The following USP24 variants were observed in gnomAD, a reference collection of about 807,000 sequenced individuals.
The protein encoded by USP24 is ubiquitin carboxyl-terminal hydrolase 24.
Under a neutral mutation model 361.6 loss-of-function variants are expected in USP24, and 97 were observed. The observed-to-expected ratio is 0.27, with a 90% confidence interval of 0.23 to 0.32. The LOEUF (loss-of-function observed/expected upper bound fraction) is 0.32, where lower values mean the gene tolerates loss of function less well. Among genes scored for constraint, USP24 ranks in the 10% least tolerant of loss-of-function variants. USP24 has a pLI of 1.00. For synonymous variants in USP24, 1,098 were observed against 1,124.6 expected (o/e 0.98, Z 0.47); for missense variants, 2,353 against 3,165.6 (o/e 0.74, Z 6.16).
At chr1:55,117,302 C>T (rs764363652) in intron 38 of USP24, among the ~76,000 whole-genome samples, 7 of 152,214 alleles carry the variant, frequency 4.6e-5, no homozygotes, top group East Asian at 1.9e-4. Flanking sequence ...TTCTATTCAA[C>T]GTAGTATTGA....
At chr1:55,080,244 G>C (rs145655976) in intron 59 of USP24, among the ~76,000 whole-genome samples, 3 of 152,284 alleles carry the variant, frequency 2.0e-5, no homozygotes, top group African/African-American at 7.2e-5. Flanking sequence ...CACAAAATTA[G>C]GTAGCTTTGT....
chr1:55,175,581 A>C (rs1432090556), intron 3 of USP24, among the ~76,000 whole-genome samples: 1 of 152,130 alleles, frequency 6.6e-6, no homozygotes, highest in Non-Finnish European at 1.5e-5. Context: ...CTAGTGACTT[A>C]TTTACATATT....
chr1:55,142,241 TAA>T (rs1167352611), intron 23 of USP24, among the ~76,000 whole-genome samples: 1 of 152,070 alleles, frequency 6.6e-6, no homozygotes, highest in East Asian at 1.9e-4. Flanking sequence ...ATGCTGGAAA[TAA>T]AAGAGATACA....
chr1:55,075,325 G>T, intron 63 of USP24, 132 bp downstream of exon 63: 1 of 776,510 alleles, frequency 1.3e-6, no homozygotes, highest in Non-Finnish European at 2.0e-6. Context: ...GAGCCCAGTG[G>T]CCCTGACCAG....
intron 23 of USP24, among the ~76,000 whole-genome samples, chr1:55,142,374 AAAAC>A (rs559763204): frequency 1.3e-5 from 2 of 152,204 alleles, no homozygotes; most frequent in Non-Finnish European, 2.9e-5. Context: ...AACATGAAGA[AAAAC>A]AAAAAAAGAA....
At chr1:55,082,761 G>T (rs1219963304) in intron 58 of USP24, among the ~76,000 whole-genome samples, 2 of 152,078 alleles carry the variant, frequency 1.3e-5, no homozygotes, top group Non-Finnish European at 2.9e-5. Flanking sequence ...CTCCAATCTG[G>T]GTGACAGCAA....
intron 12 of USP24, among the ~76,000 whole-genome samples, 198 bp from the exon 13 acceptor site, chr1:55,154,976 A>G (rs1245855215): frequency 6.6e-6 from 1 of 152,150 alleles, no homozygotes; most frequent in East Asian, 1.9e-4. Context: ...GGCCTTATTT[A>G]AATTCCTAGA....
intron 26 of USP24, among the ~76,000 whole-genome samples, chr1:55,138,293 TCAC>T (rs917881068): frequency 1.3e-5 from 2 of 152,184 alleles, no homozygotes; most frequent in African/African-American, 4.8e-5. Context: ...TGCTCAAATG[TCAC>T]CACCTCAGAG....
In USP24 at chr1:55,131,334, G is replaced by C. The variant is rs145900496; in HGVS notation, c.3537+1211C>G. On this transcript the variant is annotated intron_variant, in intron 31 of 67. Transcript: ENST00000294383. The stretch of plus-strand genomic sequence containing the variant: ...GAAAATGTAAAATATAATCTAAATA[G>C]AAAGCACTTTGGTACTCCATGCTGT... Among the ~76,000 whole-genome samples the C allele has an allele frequency of 3.0e-3, 461 of 152,254 alleles. 5 individuals are homozygous for C. Among genetic ancestry groups the C allele is most frequent in the African/African-American group, 0.01 (422 of 41,544 alleles).
Position 55,176,360 on chromosome 1 carries a change from A to G in USP24, c.558+16T>C. The G allele has an allele frequency of 6.4e-7, 1 of 1,557,928 alleles. No individual in the cohort carries two copies. The highest frequency in any genetic ancestry group is 2.4e-5 in the East Asian group (1 of 42,154). On this transcript the variant is annotated intron_variant, in intron 3 of 67. Transcript: ENST00000294383. ...CCCGACACACACAAAATATCACAGC[A>G]GCACATTTTTCTTACCTTTTTAAAT...
rs1188434592 is a variant in USP24, at chr1:55,178,368, G to A, written c.325-236C>T. On this transcript the variant is annotated intron_variant, in intron 1 of 67. Coordinates refer to ENST00000294383, the MANE Select transcript of USP24 (RefSeq NM_015306.3). The stretch of plus-strand genomic sequence containing the variant: ...CTTAGAAGGTGACCTCATCTCTTTC[G>A]TTAAAAATGAACTGTCCAGGCCGGG... Among the ~76,000 whole-genome samples the A allele has an allele frequency of 2.0e-5, 3 of 151,894 alleles. No individual in the cohort carries two copies. The East Asian group carries it at 5.8e-4, about 29-fold the overall frequency.
In USP24 at chr1:55,132,661, A is replaced by T; in HGVS notation, c.3421T>A (p.Ser1141Thr). ...TGTTGCTTTGATGACAGGGATGGAG[A>T]TTTTGAGGACTGAGAACTTGATTCA... ...LSESSSQSSKSPSLSSKQQHQ... is the reference protein window; with the variant it reads ...LSESSSQSSKTPSLSSKQQHQ... The change falls in exon 31 of 68, where the codon TCT (serine) becomes ACT (threonine). Residue 1141 changes from serine (S) to threonine (T), a missense_variant. Around this residue, in one of 8 missense-constraint regions of USP24, gnomAD observed 949 missense variants for 1,280.5 expected, o/e 0.74. Coordinates refer to ENST00000294383, the MANE Select transcript of USP24 (RefSeq NM_015306.3). The T allele has an allele frequency of 3.1e-6, 5 of 1,613,588 alleles. No homozygotes were observed. Among genetic ancestry groups the T allele is most frequent in the Non-Finnish European group, 4.2e-6 (5 of 1,179,700 alleles).
At chr1:55,190,380 G>C (rs2100873384) in intron 1 of USP24, among the ~76,000 whole-genome samples, 1 of 152,180 alleles carries the variant, frequency 6.6e-6, no homozygotes, top group African/African-American at 2.4e-5. Context: ...GAGGGGGATA[G>C]TATGAACCCA....
At chr1:55,079,306 C>A (rs977259411) in intron 60 of USP24, among the ~76,000 whole-genome samples, 2 of 152,216 alleles carry the variant, frequency 1.3e-5, no homozygotes, top group Admixed American at 1.3e-4. Flanking sequence ...TTACCTCCCT[C>A]TGGGGCCCTG....
At chr1:55,175,219 C>CTTTTTTTTTTTTTTTTTTTT (rs3072970) in intron 3 of USP24, among the ~76,000 whole-genome samples, 1 of 66,914 alleles carries the variant, frequency 1.5e-5, no homozygotes, top group Non-Finnish European at 2.7e-5. Flanking sequence ...TACTGGGTCT[C>CTTTTTTTTTTTTTTTTTTTT]TTTTTTTTTT....
chr1:55,120,236 G>A (rs1253216657), intron 38 of USP24, among the ~76,000 whole-genome samples: 1 of 152,126 alleles, frequency 6.6e-6, no homozygotes, highest in African/African-American at 2.4e-5. Flanking sequence ...CTCTAGACAC[G>A]GAGCTACAAG....
At chr1:55,166,295 CGTT>C (rs1369750104) in intron 6 of USP24, among the ~76,000 whole-genome samples, 1 of 151,780 alleles carries the variant, frequency 6.6e-6, no homozygotes, top group Non-Finnish European at 1.5e-5. Context: ...TCTACTTTAT[CGTT>C]GTGCTCCGTA....
intron 1 of USP24, 141 bp downstream of exon 1, chr1:55,214,647 TTC>T (rs147362305): frequency 6.0e-3 from 4,090 of 676,070 alleles, no homozygotes; most frequent in East Asian, 9.0e-3. Context: ...AGCCTGGGGC[TTC>T]TCTCTCTCTC....
chr1:55,148,345 G>T, intron 17 of USP24, 118 bp downstream of exon 17: 3 of 634,466 alleles, frequency 4.7e-6, no homozygotes, highest in East Asian at 3.2e-5. Flanking sequence ...GATGATATAA[G>T]TGAATTACAT....
Sources: allele counts gnomAD v4.1 joint callset (sites outside exome capture counted in the v4.1 genomes callset), GRCh38; gene constraint gnomAD v4.1.1; regional missense constraint gnomAD v4.1.1; transcripts MANE v1.5; gene names NCBI Gene and HGNC (gene_info 2026-07-23, HGNC 2026-07-21).